Variants in PIK3CG observed in about 807,000 individuals in gnomAD.
PIK3CG encodes phosphatidylinositol-4,5-bisphosphate 3-kinase catalytic subunit gamma.
Under a neutral mutation model 102.3 loss-of-function variants are expected in PIK3CG, and 55 were observed. The observed-to-expected ratio is 0.54, with a 90% CI of 0.43 to 0.67. The LOEUF is 0.67. Among genes scored for constraint, PIK3CG ranks in the 30% least tolerant of loss-of-function variants. The pLI, the probability that PIK3CG is intolerant of heterozygous loss-of-function variation, is 0.00. For missense variants in PIK3CG, 1,258 were observed against 1,391.8 expected (o/e 0.90, Z 1.53); for synonymous variants, 552 against 540.0 (o/e 1.02, Z -0.31).
chr7:106,888,539 C>T (rs1791175242), intron 10 of PIK3CG, among the ~76,000 whole-genome samples: 1 of 152,204 alleles, frequency 6.6e-6, no homozygotes, highest in Non-Finnish European at 1.5e-5. Context: ...AGTCTGTCCT[C>T]TCAGTCTGGA....
Position 106,883,073 on chromosome 7 carries a change from A to T in PIK3CG, c.2670A>T (p.Lys890Asn), listed in dbSNP as rs1790991478. ...TGAAAGACGCCACGACAATTGCCAA[A>T]ATTCAGCAAAGCACAGTGGGCAACA... ...EIVKDATTIA[K>N]IQQSTVGNTG... The change falls in exon 8 of 11, where the codon AAA (lysine) becomes AAT (asparagine). Residue 890 changes from lysine to asparagine, a missense_variant. By Grantham distance (94) the Lys-to-Asn change is moderately conservative. Coordinates refer to ENST00000496166, the MANE Select transcript of PIK3CG (RefSeq NM_001282426.2). The surrounding 1 kb of genome is among the most constrained non-coding windows in gnomAD (Gnocchi z 5.8). 2 of 1,614,046 alleles carry T rather than the reference A, an allele frequency of 1.2e-6. No individual in the cohort carries two copies. Among genetic ancestry groups the T allele is most frequent in the Non-Finnish European group, 1.7e-6 (2 of 1,180,024 alleles).
chr7:106,874,639 A>G lies in PIK3CG; in HGVS notation c.2288-61A>G. ...AATAAATGTGTTCTCAGGAAATGTA[A>G]TAGATAATATTGATGATTTCTGGAA... On this transcript the variant is annotated intron_variant, in intron 4 of 10. Transcript: ENST00000496166. The surrounding 1 kb of genome is among the most constrained non-coding windows in gnomAD (Gnocchi z 4.3). 1 of 1,049,170 alleles carries G rather than the reference A, an allele frequency of 9.5e-7. No homozygotes were observed. Among genetic ancestry groups the G allele is most frequent in the Non-Finnish European group, 1.5e-6 (1 of 673,268 alleles). 65.0% of individuals were successfully genotyped at this position (1,049,170 alleles called of 1,614,324 possible). A position where few individuals can be genotyped will look rare whatever the true frequency, so the allele number is the denominator to read the frequency against.
Position 106,890,945 on chromosome 7 carries a change from G to T in PIK3CG, c.3030+4653G>T, listed in dbSNP as rs762652740. Among the ~76,000 whole-genome samples, 10 of 152,260 alleles carry T rather than the reference G, an allele frequency of 6.6e-5. No homozygotes were observed. The highest frequency in any genetic ancestry group is 1.3e-4 in the Non-Finnish European group (9 of 68,054). On this transcript the variant is annotated intron_variant, in intron 10 of 10. Transcript: ENST00000496166. The surrounding 1 kb of genome is among the most constrained non-coding windows in gnomAD (Gnocchi z 4.2). ...CTCAGCATAAATGTCATTCTGCAGA[G>T]CAGTTTTCTAAATCAGGTTCCCTCC...
rs551824233 is a variant in PIK3CG, at chr7:106,877,003, G to T, written c.2391+2200G>T. Among the ~76,000 whole-genome samples, 21 of 152,096 alleles carry T rather than the reference G, an allele frequency of 1.4e-4. No individual in the cohort carries two copies. Among genetic ancestry groups the T allele is most frequent in the Middle Eastern group, 3.4e-3 (1 of 294 alleles). ...ACTTGAGGCAAGGAGTATGAGACCA[G>T]ACTGGGCAACATGGCGAGACTCCAT... is the stretch of plus-strand genomic sequence containing the variant. On this transcript the variant is annotated intron_variant, in intron 5 of 10. Transcript: ENST00000496166. This position sits in a 1 kb window ranked among gnomAD's most constrained non-coding sequence, Gnocchi z 4.5.
At chr7:106,886,373 A>C (rs1791093464) in intron 10 of PIK3CG, 81 bp downstream of exon 10, 3 of 1,460,928 alleles carry the variant, frequency 2.1e-6, no homozygotes, top group Non-Finnish European at 1.9e-6. Context: ...TTCACCTCTC[A>C]CTCAGCTTGG....
rs1790242791 is a variant in PIK3CG, at chr7:106,865,357, T to C, written c.-82T>C. 6.6e-6 allele frequency: 1 copy of C among 152,210 alleles called. No individual in the cohort carries two copies. The allele number at this position is 152,210 out of a possible 1,614,324, so 9.4% of individuals were successfully genotyped here. On this transcript the variant is annotated 5_prime_UTR_variant, in exon 1 of 11. Coordinates refer to ENST00000496166, the MANE Select transcript of PIK3CG (RefSeq NM_001282426.2). ...GAATTTAGACGCACACTGGGTAGGT[T>C]TGAATTTGTTTTGTTTTCAAAAATT...
chr7:106,882,815 G>T (rs1790980008), intron 7 of PIK3CG: 2 of 434,510 alleles, frequency 4.6e-6, no homozygotes, highest in South Asian at 5.1e-5. Context: ...GTCATTCTGG[G>T]ATATTGAAAA....
rs1159497365 is a variant in PIK3CG at position 106,892,712 on chromosome 7, A to G, written c.3030+6420A>G. On this transcript the variant is annotated intron_variant, in intron 10 of 10. Coordinates refer to ENST00000496166, the MANE Select transcript of PIK3CG (RefSeq NM_001282426.2). The surrounding 1 kb of genome is among the most constrained non-coding windows in gnomAD (Gnocchi z 5.2). ...AATACCTTGTGCTAAGAGTGTCCAC[A>G]GTGGTTTGCAGAGGGAGCAATTAAT... Among the ~76,000 whole-genome samples the G allele has an allele frequency of 1.3e-5, 2 of 152,214 alleles. No individual in the cohort carries two copies. Among genetic ancestry groups the G allele is most frequent in the Non-Finnish European group, 2.9e-5 (2 of 68,024 alleles).
chr7:106,890,424 G>A lies in PIK3CG; in HGVS notation c.3030+4132G>A, dbSNP rs1791238079. On this transcript the variant is annotated intron_variant, in intron 10 of 10. Transcript: ENST00000496166. The surrounding 1 kb of genome is among the most constrained non-coding windows in gnomAD (Gnocchi z 4.2). ...TCTCAATCTCCTGACCTCGTGATCC[G>A]GCTGCCTCAGCCTCCCAAAGTGCTG... is the stretch of plus-strand genomic sequence containing the variant. Among the ~76,000 whole-genome samples the A allele has an allele frequency of 6.6e-6, 1 of 152,128 alleles. No individual in the cohort carries two copies. The highest frequency in any genetic ancestry group is 1.5e-5 in the Non-Finnish European group (1 of 68,004).
Position 106,869,857 on chromosome 7 carries a change from T to A in PIK3CG, c.1995+301T>A, listed in dbSNP as rs905948492. Reference sequence around the variant, plus strand: ...TTAATGATAGATTGCACTTACTGAATGCTTTCTTGTGCCAAGGCTCCAAGT... The same window carrying A: ...TTAATGATAGATTGCACTTACTGAAAGCTTTCTTGTGCCAAGGCTCCAAGT... On this transcript the variant is annotated intron_variant, in intron 2 of 10. Coordinates refer to ENST00000496166, the MANE Select transcript of PIK3CG (RefSeq NM_001282426.2). This position sits in a 1 kb window ranked among gnomAD's most constrained non-coding sequence, Gnocchi z 5.3. Among the ~76,000 whole-genome samples the A allele has an allele frequency of 6.6e-5, 10 of 152,230 alleles. No homozygotes were observed. Among genetic ancestry groups the A allele is most frequent in the African/African-American group, 2.4e-4 (10 of 41,444 alleles).
rs574526146 is a variant in PIK3CG at position 106,905,049 on chromosome 7, T to C, written c.3031-60T>C. The C allele has an allele frequency of 1.4e-6, 2 of 1,454,024 alleles. No individual in the cohort carries two copies. 90.1% of individuals were successfully genotyped at this position (1,454,024 alleles called of 1,614,324 possible). A position where few individuals can be genotyped will look rare whatever the true frequency, so the allele number is the denominator to read the frequency against. ...TACATTTCAGTACATCCCTGTAATC[T>C]TCAGCCTACTTGTTAGTTACCATAA... is the stretch of plus-strand genomic sequence containing the variant. On this transcript the variant is annotated intron_variant, in intron 10 of 10. Transcript: ENST00000496166. The surrounding 1 kb of genome is among the most constrained non-coding windows in gnomAD (Gnocchi z 5.6).
In PIK3CG at chr7:106,877,041, TA is replaced by T. The variant is rs897613005; in HGVS notation, c.2391+2247del. On this transcript the variant is annotated intron_variant, in intron 5 of 10. Transcript: ENST00000496166. This position sits in a 1 kb window ranked among gnomAD's most constrained non-coding sequence, Gnocchi z 4.5. ...GGCGAGACTCCATCTCTACAAAAAATAAAAAAAAATAGCCGGGCATGGTGGC... is the reference window on the plus strand; with the variant it reads ...GGCGAGACTCCATCTCTACAAAAAATAAAAAAAATAGCCGGGCATGGTGGC... Among the ~76,000 whole-genome samples the T allele has an allele frequency of 1.6e-4, 24 of 150,042 alleles. No homozygotes were observed. Among genetic ancestry groups the T allele is most frequent in the African/African-American group, 3.9e-4 (16 of 40,814 alleles).
rs530814976 is a variant in PIK3CG at position 106,867,819 on chromosome 7, C to T, written c.258C>T (p.Asp86=). The T allele has an allele frequency of 5.9e-4, 950 of 1,612,536 alleles. 11 individuals carry two copies. The South Asian group carries it at 9.7e-3, about 17-fold the overall frequency. ...LRALETSVAA[D]FYHRLGPHHF... ...CGCTGGAGACCAGCGTGGCGGCGGACTTCTACCACCGGCTGGGACCGCATC... is the reference window on the plus strand; with the variant it reads ...CGCTGGAGACCAGCGTGGCGGCGGATTTCTACCACCGGCTGGGACCGCATC... Residue 86 remains aspartate (D), a synonymous_variant, in exon 2 of 11, where the codon GAC becomes GAT. Coordinates refer to ENST00000496166, the MANE Select transcript of PIK3CG (RefSeq NM_001282426.2). The surrounding 1 kb of genome is among the most constrained non-coding windows in gnomAD (Gnocchi z 5.1).
At position 106,874,880 on chromosome 7, in the gene PIK3CG, T is replaced by A; in HGVS notation, c.2391+77T>A. ...AACGTGCTTGCTGGGGCCCAGTACT[T>A]AAAAGCTAATGTTTATGCAGAGACA... On this transcript the variant is annotated intron_variant, in intron 5 of 10. Coordinates refer to ENST00000496166, the MANE Select transcript of PIK3CG (RefSeq NM_001282426.2). The surrounding 1 kb of genome is among the most constrained non-coding windows in gnomAD (Gnocchi z 4.3). The A allele has an allele frequency of 1.1e-6, 1 of 890,510 alleles. No homozygotes were observed. Among genetic ancestry groups the A allele is most frequent in the Non-Finnish European group, 1.8e-6 (1 of 550,542 alleles). 55.2% of individuals were successfully genotyped at this position (890,510 alleles called of 1,614,324 possible). A position where few individuals can be genotyped will look rare whatever the true frequency, so the allele number is the denominator to read the frequency against.
In PIK3CG at chr7:106,908,784, G is replaced by GT. The variant is rs1327944858; in HGVS notation, c.*3398dup. Among the ~76,000 whole-genome samples, 1 of 152,124 alleles carries GT rather than the reference G, an allele frequency of 6.6e-6. No individual in the cohort carries two copies. The highest frequency in any genetic ancestry group is 1.9e-4 in the East Asian group (1 of 5,202). On this transcript the variant is annotated 3_prime_UTR_variant, in exon 11 of 11. Coordinates refer to ENST00000496166, the MANE Select transcript of PIK3CG (RefSeq NM_001282426.2). This position sits in a 1 kb window ranked among gnomAD's most constrained non-coding sequence, Gnocchi z 4.1. ...GTAAGTCCAAAAAATAATCTAGAAA[G>GT]TAAGTTTCCAGAGCAAATCTGACCT...
At chr7:106,888,474 C>T (rs1791170985) in intron 10 of PIK3CG, among the ~76,000 whole-genome samples, 1 of 152,134 alleles carries the variant, frequency 6.6e-6, no homozygotes, top group Non-Finnish European at 1.5e-5. Flanking sequence ...AGGTTTCTTC[C>T]CACTATCGGC....
At position 106,884,184 on chromosome 7, in the gene PIK3CG, T is replaced by A. The variant is rs897697876; in HGVS notation, c.2790T>A (p.Tyr930Ter). 1.9e-6 allele frequency: 3 copies of A among 1,613,726 alleles called. No homozygotes were observed. Among genetic ancestry groups the A allele is most frequent in the South Asian group, 1.1e-5 (1 of 91,074 alleles). ...AGGCAGCAGTGGAGAGATTTGTTTA[T>A]TCCTGTGCAGGCTACTGTGTGGCAA... The part of the protein sequence containing the change: ...KFQAAVERFV[Y>*]SCAGYCVATF... The change falls in exon 9 of 11, where the codon TAT becomes TAA. Residue 930 changes from tyrosine (Y) to a stop codon, truncating the protein, a stop_gained. Transcript: ENST00000496166. LOFTEE classifies it high-confidence loss of function. This position sits in a 1 kb window ranked among gnomAD's most constrained non-coding sequence, Gnocchi z 4.2.
rs1330775784 is a variant in PIK3CG, at chr7:106,869,493, A to G, written c.1932A>G (p.Ala644=). The change falls in exon 2 of 11, where the codon GCA becomes GCG. Residue 644 remains alanine (A), a synonymous_variant. Coordinates refer to ENST00000496166, the MANE Select transcript of PIK3CG (RefSeq NM_001282426.2). This position sits in a 1 kb window ranked among gnomAD's most constrained non-coding sequence, Gnocchi z 5.3. The part of the protein sequence containing the change: ...NFSDENVRAI[A]VQKLESLEDD... ...CAGATGAAAATGTAAGAGCCATTGC[A>G]GTTCAGAAACTGGAGAGCTTGGAGG... 6.2e-7 allele frequency: 1 copy of G among 1,614,224 alleles called. No individual in the cohort carries two copies. Among genetic ancestry groups the G allele is most frequent in the South Asian group, 1.1e-5 (1 of 91,092 alleles).
Position 106,874,628 on chromosome 7 carries a change from C to A in PIK3CG, c.2288-72C>A. The A allele has an allele frequency of 2.0e-6, 2 of 1,013,354 alleles. No homozygotes were observed. Among genetic ancestry groups the A allele is most frequent in the Non-Finnish European group, 1.5e-6 (1 of 649,250 alleles). The allele number at this position is 1,013,354 out of a possible 1,614,324, so 62.8% of individuals were successfully genotyped here. A position where few individuals can be genotyped will look rare whatever the true frequency, so the allele number is the denominator to read the frequency against. On this transcript the variant is annotated intron_variant, in intron 4 of 10. Coordinates refer to ENST00000496166, the MANE Select transcript of PIK3CG (RefSeq NM_001282426.2). The surrounding 1 kb of genome is among the most constrained non-coding windows in gnomAD (Gnocchi z 4.3). ...AGAATGCTATGAATAAATGTGTTCT[C>A]AGGAAATGTAATAGATAATATTGAT...
Sources: gnomAD v4.1 joint callset for allele counts (sites outside exome capture counted in the v4.1 genomes callset) on GRCh38, gnomAD v4.1.1 for gene constraint, Gnocchi (gnomAD v3.1) non-coding constraint, MANE v1.5 for transcripts, NCBI Gene and HGNC (gene_info 2026-07-23, HGNC 2026-07-21) for gene names.